The following JMJD1C variants were observed in gnomAD, a reference collection of about 807,000 sequenced individuals.
The protein encoded by JMJD1C is jumonji domain containing 1C.
In JMJD1C, 31 loss-of-function variants were observed where a neutral mutation model predicts 245.3. That is an observed-to-expected ratio of 0.13 (90% CI 0.09 to 0.17). The LOEUF is 0.17. Ranked by LOEUF, JMJD1C falls within the 10% of genes least tolerant of loss-of-function variation. The pLI, the probability that JMJD1C is intolerant of heterozygous loss-of-function variation, is 1.00. For synonymous variants in JMJD1C, 1,057 were observed against 1,017.4 expected (o/e 1.04, Z -0.74); for missense variants, 2,691 against 3,000.2 (o/e 0.90, Z 2.41).
chr10:63,286,705 G>A (rs1858023007), intron 2 of JMJD1C, among the ~76,000 whole-genome samples: 1 of 152,102 alleles, frequency 6.6e-6, no homozygotes, highest in Admixed American at 6.6e-5. Context: ...AAGAGAATAA[G>A]CTCTTTGGTA....
chr10:63,515,461 G>C (rs1954988701), intron 1 of JMJD1C, among the ~76,000 whole-genome samples: 1 of 152,168 alleles, frequency 6.6e-6, no homozygotes, highest in Admixed American at 6.5e-5. Context: ...CCTTAGGACT[G>C]GCTCTCCCTG....
At chr10:63,217,443 A>ATATATT in intron 4 of JMJD1C, 112 bp from the exon 5 acceptor site, 1 of 805,102 alleles carries the variant, frequency 1.2e-6, no homozygotes, top group Non-Finnish European at 1.8e-6. Context: ...TCCAACTATC[A>ATATATT]GTTTTCAAAA....
At chr10:63,511,360 G>T (rs1002049496) in intron 1 of JMJD1C, among the ~76,000 whole-genome samples, 3 of 152,098 alleles carry the variant, frequency 2.0e-5, no homozygotes, top group Non-Finnish European at 4.4e-5. Flanking sequence ...AACAACATGG[G>T]TTTGAACTGC....
Position 63,439,762 on chromosome 10 carries a change from TAA to T in JMJD1C, c.168+25731_168+25732del, listed in dbSNP as rs575911130. Among the ~76,000 whole-genome samples the T allele has an allele frequency of 4.3e-4, 65 of 152,342 alleles. No homozygotes were observed. The South Asian group carries it at 9.5e-3, about 22-fold the overall frequency. ...ATATATAAAAACAACATGTAGATCA[TAA>T]AAAAGTCACTTATATGTCATGAAGT... On this transcript the variant is annotated intron_variant, in intron 1 of 25. Transcript: ENST00000399262.
chr10:63,469,578 G>T (rs1225832971), upstream of JMJD1C, among the ~76,000 whole-genome samples: 4 of 152,134 alleles, frequency 2.6e-5, no homozygotes, highest in African/African-American at 4.8e-5. Context: ...CTGGAGATAG[G>T]ACCTTTATCC....
intron 1 of JMJD1C, among the ~76,000 whole-genome samples, chr10:63,492,615 A>C (rs1954213028): frequency 6.6e-6 from 1 of 152,194 alleles, no homozygotes; most frequent in Non-Finnish European, 1.5e-5. Context: ...CAGAGGTGGC[A>C]GTAAGCCAAG....
At chr10:63,230,228 C>T (rs1442378680) in intron 3 of JMJD1C, among the ~76,000 whole-genome samples, 11 of 152,046 alleles carry the variant, frequency 7.2e-5, no homozygotes, top group African/African-American at 2.7e-4. Flanking sequence ...AAGAATTAGT[C>T]GAGCATGGTG....
At chr10:63,473,237 C>T (rs1050231753) in intron 1 of JMJD1C, among the ~76,000 whole-genome samples, 4 of 149,814 alleles carry the variant, frequency 2.7e-5, no homozygotes, top group African/African-American at 7.6e-5. Context: ...AAGTAATACA[C>T]ATTTGGTTAA....
intron 2 of JMJD1C, among the ~76,000 whole-genome samples, chr10:63,290,515 C>T (rs182155264): frequency 5.3e-4 from 80 of 151,946 alleles, no homozygotes; most frequent in African/African-American, 1.9e-3. Context: ...GAGCCAAGAT[C>T]GCACCACTGC....
intron 4 of JMJD1C, chr10:63,217,568 G>A (rs1025698792): frequency 1.4e-5 from 4 of 282,912 alleles, no homozygotes; most frequent in Admixed American, 5.1e-5. Flanking sequence ...TAAGAGAGAA[G>A]GAAGGTTTCT....
rs367707831 is a variant in JMJD1C, at chr10:63,507,761, G to C, written n.113+13977C>G. ...TTGTGTCATCGGTGTTCTGAATTTT[G>C]GGCATTCTAATAGGTACATGGTGGT... On this transcript the variant is annotated intron_variant and non_coding_transcript_variant, in intron 1 of 3. Coordinates refer to the JMJD1C transcript ENST00000633035. Among the ~76,000 whole-genome samples the C allele has an allele frequency of 1.6e-4, 24 of 151,232 alleles. No homozygotes were observed. The East Asian group carries it at 3.5e-3, about 22-fold the overall frequency.
At chr10:63,424,497 C>CTTTTTTTTTTTTTT (rs59823871) in intron 1 of JMJD1C, among the ~76,000 whole-genome samples, 69 of 103,384 alleles carry the variant, frequency 6.7e-4, no homozygotes, top group East Asian at 1.0e-3. Context: ...ATTATTATTT[C>CTTTTTTTTTTTTTT]TTTTTTTTTT....
chr10:63,311,484 C>G (rs910085599), intron 2 of JMJD1C, among the ~76,000 whole-genome samples: 1 of 152,092 alleles, frequency 6.6e-6, no homozygotes, highest in Non-Finnish European at 1.5e-5. Context: ...AAAACAATTA[C>G]TCCAACATTG....
intron 3 of JMJD1C, among the ~76,000 whole-genome samples, chr10:63,234,594 T>A (rs987171357): frequency 6.6e-6 from 1 of 151,074 alleles, no homozygotes; most frequent in Non-Finnish European, 1.5e-5. Flanking sequence ...ATTTTTAGAT[T>A]TGCTAAAAAT....
intron 5 of JMJD1C, among the ~76,000 whole-genome samples, chr10:63,216,659 G>A (rs1191311937): frequency 2.6e-5 from 4 of 152,104 alleles, no homozygotes; most frequent in African/African-American, 4.8e-5. Flanking sequence ...ACAGTGAGCC[G>A]AGATCATGCC....
intron 3 of JMJD1C, among the ~76,000 whole-genome samples, chr10:63,227,140 A>T (rs1849390503): frequency 6.6e-6 from 1 of 152,194 alleles, no homozygotes; most frequent in Non-Finnish European, 1.5e-5. Context: ...TTAGGTGATT[A>T]TGTACTTTCT....
At chr10:63,454,415 A>G (rs533870741) in intron 1 of JMJD1C, among the ~76,000 whole-genome samples, 3 of 151,710 alleles carry the variant, frequency 2.0e-5, no homozygotes, top group African/African-American at 7.3e-5. Flanking sequence ...GCACCACCAC[A>G]CCCAGCTAAT....
intron 2 of JMJD1C, among the ~76,000 whole-genome samples, chr10:63,285,733 AG>A (rs1857914531): frequency 6.6e-6 from 1 of 152,224 alleles, no homozygotes; most frequent in Non-Finnish European, 1.5e-5. Flanking sequence ...ACCTGAGCCC[AG>A]GAGTTTGAGG....
At chr10:63,367,936 G>A (rs74137719) in intron 2 of JMJD1C, among the ~76,000 whole-genome samples, 3,273 of 152,228 alleles carry the variant, frequency 0.022, 115 homozygotes, top group African/African-American at 0.073. Flanking sequence ...TATTTATTAC[G>A]TCTGACTGGC....
Sources: gnomAD v4.1 joint callset for allele counts (sites outside exome capture counted in the v4.1 genomes callset) on GRCh38, gnomAD v4.1.1 for gene constraint, MANE v1.5 for transcripts, NCBI Gene and HGNC (gene_info 2026-07-23, HGNC 2026-07-21) for gene names.